EEA1: variants seen among roughly 807,000 people sequenced by gnomAD.
EEA1 encodes the protein early endosome antigen 1, 162kD.
A neutral mutation model predicts 209.2 loss-of-function variants in EEA1; 111 were observed. The ratio of observed to expected loss-of-function variants is 0.53; its 90% confidence interval spans 0.45 to 0.62. EEA1 has a LOEUF of 0.62. Ranked by LOEUF, EEA1 falls within the 20% of genes least tolerant of loss-of-function variation. The pLI is 0.00. For missense variants in EEA1, 1,343 were observed against 1,530.8 expected, an observed-to-expected ratio of 0.88 and a Z score of 2.05; for synonymous variants, 536 against 540.6, an observed-to-expected ratio of 0.99 and a Z score of 0.12.
At chr12:92,923,650 T>C (rs1437962718) in intron 1 of EEA1, among the ~76,000 whole-genome samples, 1 of 152,084 alleles carries the variant, frequency 6.6e-6, no homozygotes, top group East Asian at 1.9e-4. Context: ...CTTTTGTGCT[T>C]ACAAACTTTT....
At chr12:92,916,194 C>G (rs1880754079) in intron 1 of EEA1, among the ~76,000 whole-genome samples, 1 of 152,058 alleles carries the variant, frequency 6.6e-6, no homozygotes, top group Admixed American at 6.5e-5. Flanking sequence ...TAGACAGCTA[C>G]AAAAACATAC....
At chr12:92,841,520 T>C (rs1877160406) in intron 10 of EEA1, among the ~76,000 whole-genome samples, 2 of 152,168 alleles carry the variant, frequency 1.3e-5, no homozygotes, top group African/African-American at 2.4e-5. Flanking sequence ...GCAAATCACA[T>C]ATCTGATAAG....
chr12:92,864,111 G>C (rs563621022), intron 3 of EEA1, among the ~76,000 whole-genome samples: 1 of 152,072 alleles, frequency 6.6e-6, no homozygotes, highest in Admixed American at 6.5e-5. Flanking sequence ...TTTTAATACA[G>C]TAAAATGGCC....
At chr12:92,921,158 A>C (rs1880974043) in intron 1 of EEA1, among the ~76,000 whole-genome samples, 1 of 150,346 alleles carries the variant, frequency 6.7e-6, no homozygotes, top group Admixed American at 6.6e-5. Context: ...GTGGGACTGT[A>C]AACTAGTTCA....
chr12:92,784,663 G>GT (rs1457070951), intron 22 of EEA1, among the ~76,000 whole-genome samples: 2 of 152,102 alleles, frequency 1.3e-5, no homozygotes, highest in African/African-American at 4.8e-5. Flanking sequence ...GCCAAGACAT[G>GT]TTTTCCCCTG....
intron 1 of EEA1, among the ~76,000 whole-genome samples, chr12:92,904,687 G>A (rs1233544545): frequency 6.6e-6 from 1 of 152,076 alleles, no homozygotes; most frequent in African/African-American, 2.4e-5. Flanking sequence ...GCAGCTCAAA[G>A]AACTCAGGGA....
At chr12:92,797,505 G>C (rs1465480572) in intron 21 of EEA1, among the ~76,000 whole-genome samples, 2 of 151,934 alleles carry the variant, frequency 1.3e-5, no homozygotes, top group African/African-American at 4.8e-5. Flanking sequence ...AACTGTACAG[G>C]CAATATATAT....
At chr12:92,780,215 G>GTA in intron 24 of EEA1, 65 bp downstream of exon 24, 4 of 1,446,870 alleles carry the variant, frequency 2.8e-6, no homozygotes, top group Non-Finnish European at 3.8e-6. Context: ...ATATGTATGG[G>GTA]TATATATATT....
intron 1 of EEA1, among the ~76,000 whole-genome samples, chr12:92,906,500 A>G (rs1880390647): frequency 2.0e-5 from 3 of 152,200 alleles, no homozygotes; most frequent in African/African-American, 7.2e-5. Context: ...TAAGCTATCT[A>G]TAAGGATTTC....
chr12:92,923,334 C>A (rs1483126215), intron 1 of EEA1, among the ~76,000 whole-genome samples: 1 of 151,922 alleles, frequency 6.6e-6, no homozygotes, highest in Non-Finnish European at 1.5e-5. Context: ...GGCGACAGAG[C>A]GAGACTCCGT....
intron 1 of EEA1, among the ~76,000 whole-genome samples, chr12:92,902,138 G>T (rs1880169818): frequency 6.6e-6 from 1 of 152,098 alleles, no homozygotes; most frequent in African/African-American, 2.4e-5. Context: ...ACGCTGCAGT[G>T]AACTGTGATT....
At chr12:92,882,219 T>C (rs978960655) in intron 2 of EEA1, among the ~76,000 whole-genome samples, 1 of 152,048 alleles carries the variant, frequency 6.6e-6, no homozygotes, top group Non-Finnish European at 1.5e-5. Flanking sequence ...GTGATTCTCC[T>C]GCCTCAGCCT....
chr12:92,905,618 A>G (rs1300781617), intron 1 of EEA1: 1 of 152,142 alleles, frequency 6.6e-6, no homozygotes, highest in Non-Finnish European at 1.5e-5. Context: ...AAAAAAGAAC[A>G]GATGTCTGCA....
At chr12:92,908,287 G>T (rs1880455146) in intron 1 of EEA1, among the ~76,000 whole-genome samples, 1 of 152,186 alleles carries the variant, frequency 6.6e-6, no homozygotes, top group African/African-American at 2.4e-5. Flanking sequence ...AATTCATAGT[G>T]ACAGGAAGTG....
At chr12:92,859,225 T>G (rs1033773517) in intron 3 of EEA1, 36 of 1,612,966 alleles carry the variant, frequency 2.2e-5, no homozygotes, top group Non-Finnish European at 2.6e-5. Flanking sequence ...CTATGGCCAC[T>G]TTGGTAGGGA....
chr12:92,823,867 A>G (rs1277747172), intron 13 of EEA1, among the ~76,000 whole-genome samples: 1 of 152,244 alleles, frequency 6.6e-6, no homozygotes, highest in African/African-American at 2.4e-5. Flanking sequence ...AATTCTGGGT[A>G]CAGTGTAAGA....
chr12:92,870,607 C>T (rs761965989), intron 2 of EEA1, among the ~76,000 whole-genome samples: 22 of 151,954 alleles, frequency 1.4e-4, no homozygotes, highest in Admixed American at 4.6e-4. Flanking sequence ...CAAGTTCTAA[C>T]GCTGTATATT....
intron 2 of EEA1, among the ~76,000 whole-genome samples, chr12:92,888,799 A>G (rs1180045849): frequency 6.6e-6 from 1 of 152,236 alleles, no homozygotes; most frequent in African/African-American, 2.4e-5. Context: ...AAAGCATTCA[A>G]AAATCCTCGA....
intron 11 of EEA1, among the ~76,000 whole-genome samples, chr12:92,829,504 C>T (rs892022179): frequency 3.3e-5 from 5 of 151,970 alleles, no homozygotes; most frequent in Admixed American, 1.3e-4. Flanking sequence ...GCTGGCTGGG[C>T]GCGGTGGCTC....
Sources: gnomAD v4.1 joint callset for allele counts (sites outside exome capture counted in the v4.1 genomes callset) on GRCh38, gnomAD v4.1.1 for gene constraint, MANE v1.5 for transcripts, NCBI Gene and HGNC (gene_info 2026-07-23, HGNC 2026-07-21) for gene names.